The following STYK1 variants were observed in gnomAD, a reference collection of about 807,000 sequenced individuals.
The protein encoded by STYK1 is STY kinase 1, also known as tyrosine-protein kinase STYK1.
STYK1 carries 46 observed loss-of-function variants against 48.1 expected under a neutral mutation model. The ratio of observed to expected loss-of-function variants is 0.96; its 90% CI spans 0.75 to 1.22. STYK1 has a LOEUF of 1.22. Among genes scored for constraint, STYK1 ranks in the 50% most tolerant of loss-of-function variants. The probability of loss-of-function intolerance (pLI) is 0.00; values close to 1 mark genes in which losing one functional copy is unlikely to be tolerated. For synonymous variants in STYK1, 188 were observed against 189.0 expected (o/e 0.99, Z 0.04); for missense variants, 527 against 521.1 (o/e 1.01, Z -0.11).
At chr12:10,642,292 T>G (rs946281796) in intron 1 of STYK1, among the ~76,000 whole-genome samples, 9 of 152,246 alleles carry the variant, frequency 5.9e-5, no homozygotes, top group African/African-American at 2.2e-4. Flanking sequence ...ACTTTGGAGT[T>G]TGGCTTCCAT....
intron 7 of STYK1, among the ~76,000 whole-genome samples, chr12:10,627,195 T>G (rs929290966): frequency 9.9e-5 from 15 of 152,198 alleles, no homozygotes; most frequent in African/African-American, 3.6e-4. Flanking sequence ...TTCTTGTTTC[T>G]CAGGTATAAA....
chr12:10,655,520 G>C (rs1947708604), intron 1 of STYK1, among the ~76,000 whole-genome samples: 1 of 152,166 alleles, frequency 6.6e-6, no homozygotes, highest in South Asian at 2.1e-4. Context: ...TTCTGGTTTA[G>C]GGAATGAGTA....
chr12:10,660,242 C>T (rs1947761700), intron 1 of STYK1, among the ~76,000 whole-genome samples: 1 of 152,148 alleles, frequency 6.6e-6, no homozygotes, highest in South Asian at 2.1e-4. Context: ...AAATTGAACA[C>T]TTATTAATCT....
intron 4 of STYK1, among the ~76,000 whole-genome samples, chr12:10,633,417 A>G (rs1194843864): frequency 6.6e-6 from 1 of 152,226 alleles, no homozygotes; most frequent in Non-Finnish European, 1.5e-5. Context: ...ATTAGCCACT[A>G]TAGAGTTTCA....
rs1389382252 is a variant in STYK1 at position 10,672,559 on chromosome 12, G to T, written c.-195+1407C>A. ...ACTAGCATTAGATTGTCATAGGAGC[G>T]TGAACCCTATTGTGAACTGCTCATG... On this transcript the variant is annotated intron_variant, in intron 1 of 10. Transcript: ENST00000075503. The surrounding 1 kb of genome is among the most constrained non-coding windows in gnomAD (Gnocchi z 4.0). Among the ~76,000 whole-genome samples the T allele has an allele frequency of 2.6e-5, 4 of 152,138 alleles. No homozygotes were observed. The highest frequency in any genetic ancestry group is 5.9e-5 in the Non-Finnish European group (4 of 68,036).
intron 1 of STYK1, among the ~76,000 whole-genome samples, chr12:10,643,946 G>C (rs1591689350): frequency 6.8e-6 from 1 of 146,196 alleles, no homozygotes; most frequent in South Asian, 2.3e-4. Flanking sequence ...TTTAAATAGA[G>C]TGACATGGTC....
chr12:10,658,158 G>T (rs937120252), intron 1 of STYK1, among the ~76,000 whole-genome samples: 3 of 152,084 alleles, frequency 2.0e-5, no homozygotes, highest in Admixed American at 2.0e-4. Flanking sequence ...AGCACAACAG[G>T]GTGTTCTTAG....
intron 8 of STYK1, among the ~76,000 whole-genome samples, chr12:10,623,099 T>G (rs1473850277): frequency 6.6e-6 from 1 of 152,190 alleles, no homozygotes; most frequent in African/African-American, 2.4e-5. Context: ...GTTTTATCAT[T>G]TAGTCACTAT....
At chr12:10,623,617 A>G (rs1198244831) in intron 8 of STYK1, among the ~76,000 whole-genome samples, 2 of 152,198 alleles carry the variant, frequency 1.3e-5, no homozygotes, top group Admixed American at 1.3e-4. Context: ...TGTTTTGAAA[A>G]CTAAGTTGAA....
intron 8 of STYK1, among the ~76,000 whole-genome samples, chr12:10,624,316 A>G (rs1021043977): frequency 6.6e-6 from 1 of 151,694 alleles, no homozygotes; most frequent in Admixed American, 6.6e-5. Context: ...CCTAGCTTCT[A>G]GGGAGGCTGA....
chr12:10,631,046 T>G lies in STYK1; in HGVS notation c.450A>C (p.Lys150Asn). Reference sequence around the variant, plus strand: ...GGAGTCAAACACTTCTTGTTTTACCTTTTAAAGCCTTGAGAATAACACTCT... The same window carrying G: ...GGAGTCAAACACTTCTTGTTTTACCGTTTAAAGCCTTGAGAATAACACTCT... The part of the protein sequence containing the change: ...KPKSVILKAL[K>N]EPAGLHEVQD... Residue 150 changes from lysine to asparagine, a missense_variant and splice_region_variant, in exon 5 of 11, where the codon AAA becomes AAC. Lys to Asn is a moderately conservative substitution (Grantham distance 94). Transcript: ENST00000075503. 1 of 1,613,012 alleles carries G rather than the reference T, an allele frequency of 6.2e-7. No homozygotes were observed. The highest frequency in any genetic ancestry group is 8.5e-7 in the Non-Finnish European group (1 of 1,179,286).
At position 10,649,094 on chromosome 12, in the gene STYK1, A is replaced by T. The variant is rs566368004; in HGVS notation, c.-194-11898T>A. 3.3e-5 allele frequency among the ~76,000 whole-genome samples: 5 copies of T among 152,330 alleles called. No individual in the cohort carries two copies. In the East Asian group the frequency reaches 9.6e-4, roughly 29 times the overall value. ...TGGAAGATGTTTCTGAACACACAAG[A>T]AAATCTGTGACCCTTATTTAATTTT... is the stretch of plus-strand genomic sequence containing the variant. On this transcript the variant is annotated intron_variant, in intron 1 of 10. Transcript: ENST00000075503.
intron 1 of STYK1, among the ~76,000 whole-genome samples, chr12:10,642,666 T>G (rs1041943874): frequency 6.6e-6 from 1 of 152,206 alleles, no homozygotes; most frequent in African/African-American, 2.4e-5. Flanking sequence ...GAGAGGGAGT[T>G]AAAGTAATCA....
In STYK1 at chr12:10,624,731, G is replaced by A. The variant is rs1947336495; in HGVS notation, c.846C>T (p.Ile282=). Residue 282 remains isoleucine, a synonymous_variant, in exon 8 of 11, where the codon ATC becomes ATT. Transcript: ENST00000075503. ...LAYEVYTRGA[I]SSTQTIPLKW... ...TGAGAGGTATGGTTTGAGTAGAGGAGATGGCCCCTCGGGTGTAAACTTCAT... is the reference window on the plus strand; with the variant it reads ...TGAGAGGTATGGTTTGAGTAGAGGAAATGGCCCCTCGGGTGTAAACTTCAT... 6.2e-7 allele frequency: 1 copy of A among 1,614,152 alleles called. No individual in the cohort carries two copies. The highest frequency in any genetic ancestry group is 1.3e-5 in the African/African-American group (1 of 75,028).
In STYK1 at chr12:10,639,633, C is replaced by T. The variant is rs968101622; in HGVS notation, c.-194-2437G>A. Among the ~76,000 whole-genome samples the T allele has an allele frequency of 2.6e-5, 4 of 152,066 alleles. No homozygotes were observed. In the South Asian group the frequency reaches 6.2e-4, roughly 24 times the overall value. ...TTTATCATGTTGGCCAGGCTGGTCT[C>T]GAACTCCTGACCTCAGGTTATCCAC... On this transcript the variant is annotated intron_variant, in intron 1 of 10. Transcript: ENST00000075503.
At chr12:10,655,900 T>G (rs1947712663) in intron 1 of STYK1, among the ~76,000 whole-genome samples, 1 of 151,794 alleles carries the variant, frequency 6.6e-6, no homozygotes, top group African/African-American at 2.4e-5. Context: ...ATTTAAAAGG[T>G]TTTTATGTTT....
In STYK1 at chr12:10,627,645, G is replaced by T. The variant is rs753170900; in HGVS notation, c.713C>A (p.Ala238Glu). The change falls in exon 7 of 11, where the codon GCG becomes GAG. Residue 238 changes from alanine to glutamate, a missense_variant. By Grantham distance (107) the Ala-to-Glu change is moderately radical. Coordinates refer to ENST00000075503, the MANE Select transcript of STYK1 (RefSeq NM_018423.3). ...VYHIGKQVLL[A>E]LEFLQEKHLF... ...TGTCATGTTGCCTCATCTTACCAGC[G>T]CCAAAAGGACCTGCTTTCCGATGTG... 6.2e-7 allele frequency: 1 copy of T among 1,612,642 alleles called. No individual in the cohort carries two copies. The highest frequency in any genetic ancestry group is 1.1e-5 in the South Asian group (1 of 90,758).
rs573525860 is a variant in STYK1 at position 10,649,602 on chromosome 12, T to C, written c.-194-12406A>G. On this transcript the variant is annotated intron_variant, in intron 1 of 10. Coordinates refer to ENST00000075503, the MANE Select transcript of STYK1 (RefSeq NM_018423.3). ...ATGATGGTTACTATTAATAATTTTT[T>C]CCTCTATTTTCTATTTTCCAAATGG... is the stretch of plus-strand genomic sequence containing the variant. 6.0e-4 allele frequency among the ~76,000 whole-genome samples: 92 copies of C among 152,332 alleles called. 1 individual carries two copies. Among genetic ancestry groups the C allele is most frequent in the African/African-American group, 2.1e-3 (87 of 41,574 alleles).
intron 1 of STYK1, among the ~76,000 whole-genome samples, chr12:10,663,332 T>C (rs1013195608): frequency 3.3e-5 from 5 of 152,052 alleles, no homozygotes; most frequent in African/African-American, 1.2e-4. Flanking sequence ...CATTAAAACT[T>C]ACAGGCGCGG....
Sources: allele counts gnomAD v4.1 joint callset (sites outside exome capture counted in the v4.1 genomes callset), GRCh38; gene constraint gnomAD v4.1.1; non-coding constraint Gnocchi (gnomAD v3.1); transcripts MANE v1.5; gene names NCBI Gene and HGNC (gene_info 2026-07-23, HGNC 2026-07-21).